ZMYND8: variants seen among roughly 807,000 people sequenced by gnomAD.
The protein encoded by ZMYND8 is MYND-type zinc finger-containing chromatin reader ZMYND8.
A neutral mutation model predicts 140.8 loss-of-function variants in ZMYND8; 37 were observed. That is an observed-to-expected ratio of 0.26 (90% CI 0.20 to 0.35). The LOEUF (loss-of-function observed/expected upper bound fraction) is 0.35, where lower values mean the gene tolerates loss of function less well. Ranked by LOEUF, ZMYND8 falls within the 10% of genes least tolerant of loss-of-function variation. The probability of loss-of-function intolerance (pLI) is 1.00; values close to 1 mark genes in which losing one functional copy is unlikely to be tolerated. For missense variants in ZMYND8, 1,068 were observed against 1,570.0 expected, an observed-to-expected ratio of 0.68 and a Z score of 5.40; for synonymous variants, 592 against 597.1, an observed-to-expected ratio of 0.99 and a Z score of 0.12.
At chr20:47,257,747 T>G (rs566512380) in intron 12 of ZMYND8, among the ~76,000 whole-genome samples, 163 of 152,314 alleles carry the variant, frequency 1.1e-3, no homozygotes, top group Non-Finnish European at 1.8e-3. Context: ...TTAATTATAG[T>G]GTAACAGTAT....
chr20:47,298,101 T>C lies in ZMYND8; in HGVS notation c.453+628A>G, dbSNP rs984245454. Among the ~76,000 whole-genome samples the C allele has an allele frequency of 8.5e-4, 129 of 152,340 alleles. No individual in the cohort carries two copies. The highest frequency in any genetic ancestry group is 3.0e-3 in the African/African-American group (125 of 41,580). ...TCCCTTGGACCTCCTATTCCCATCC[T>C]GAATTTGTTTTCTTCACAGCACTTT... On this transcript the variant is annotated intron_variant, in intron 4 of 22. Transcript: ENST00000471951. This position sits in a 1 kb window ranked among gnomAD's most constrained non-coding sequence, Gnocchi z 5.0.
intron 5 of ZMYND8, among the ~76,000 whole-genome samples, chr20:47,292,474 A>G (rs1433407381): frequency 6.6e-6 from 1 of 152,020 alleles, no homozygotes; most frequent in Non-Finnish European, 1.5e-5. Context: ...TTTTGCTTCC[A>G]CTGATTGAGA....
chr20:47,310,784 G>A (rs574746658), intron 2 of ZMYND8, among the ~76,000 whole-genome samples: 16 of 119,726 alleles, frequency 1.3e-4, no homozygotes, highest in Non-Finnish European at 2.0e-4. Context: ...AGCCTCCGAC[G>A]TGAAAAAAAA....
rs1287376842 is a variant in ZMYND8 at position 47,283,490 on chromosome 20, C to T, written c.882+81G>A. The T allele has an allele frequency of 2.1e-6, 3 of 1,429,090 alleles. No homozygotes were observed. In the African/African-American group the frequency reaches 4.3e-5, roughly 20 times the overall value. The allele number at this position is 1,429,090 out of a possible 1,614,324, so 88.5% of individuals were successfully genotyped here. Reference sequence around the variant, plus strand: ...CCATCCAAAGTTTCATCTAATAAGCCACCTGGAAAAAGCTGTCTCAGGGTA... The same window carrying T: ...CCATCCAAAGTTTCATCTAATAAGCTACCTGGAAAAAGCTGTCTCAGGGTA... On this transcript the variant is annotated intron_variant, in intron 9 of 22. Transcript: ENST00000471951.
rs1432968477 is a variant in ZMYND8, at chr20:47,298,765, C to T, written c.417G>A (p.Ser139=). Residue 139 remains serine (S), a synonymous_variant, in exon 4 of 23, where the codon TCG becomes TCA. Transcript: ENST00000471951. This position sits in a 1 kb window ranked among gnomAD's most constrained non-coding sequence, Gnocchi z 5.0. ...VYHAKCLRLT[S]EPEGDWFCPE... The stretch of plus-strand genomic sequence containing the variant: ...GACAAAACCAGTCCCCCTCTGGTTC[C>T]GATGTCAGTCTCAGACACTTAGCGT... 5.6e-6 allele frequency: 9 copies of T among 1,613,998 alleles called. No homozygotes were observed. Among genetic ancestry groups the T allele is most frequent in the South Asian group, 1.1e-5 (1 of 91,028 alleles).
In ZMYND8 at chr20:47,209,582, T is replaced by A. The variant is rs995020206; in HGVS notation, c.*1179A>T. On this transcript the variant is annotated 3_prime_UTR_variant, in exon 23 of 23. Coordinates refer to ENST00000471951, the MANE Select transcript of ZMYND8 (RefSeq NM_001281775.3). ...TGTACAGTTCGCATCCTCTTAACAA[T>A]GAAGAGAAAGTAAACAAGACTAAAA... 6.6e-6 allele frequency: 1 copy of A among 152,252 alleles called. No individual in the cohort carries two copies. The highest frequency in any genetic ancestry group is 1.5e-5 in the Non-Finnish European group (1 of 67,998). 9.4% of individuals were successfully genotyped at this position (152,252 alleles called of 1,614,324 possible). A position where few individuals can be genotyped will look rare whatever the true frequency, so the allele number is the denominator to read the frequency against.
At chr20:47,349,868 A>C in intron 1 of ZMYND8, 1 of 1,535,636 alleles carries the variant, frequency 6.5e-7, no homozygotes, top group Non-Finnish European at 8.7e-7. Context: ...CACTTGAAGG[A>C]TTTCTGCAGC....
At chr20:47,282,711 G>A (rs1465443059) in intron 9 of ZMYND8, among the ~76,000 whole-genome samples, 5 of 139,946 alleles carry the variant, frequency 3.6e-5, no homozygotes, top group Non-Finnish European at 3.0e-5. Flanking sequence ...GCGACAGATC[G>A]AAACTCCATC....
chr20:47,304,869 C>T (rs78996427), intron 3 of ZMYND8, among the ~76,000 whole-genome samples: 2,524 of 152,186 alleles, frequency 0.017, 31 homozygotes, highest in Middle Eastern at 0.031. Flanking sequence ...CCTAGTGTTG[C>T]CTGACCTTGG....
At chr20:47,308,485 C>T (rs1045890680) in intron 3 of ZMYND8, among the ~76,000 whole-genome samples, 15 of 151,840 alleles carry the variant, frequency 9.9e-5, no homozygotes, top group East Asian at 3.9e-4. Context: ...CCTCCCAAAA[C>T]GCTGGGATTA....
chr20:47,237,389 C>T (rs1345599562), intron 15 of ZMYND8: 1 of 151,724 alleles, frequency 6.6e-6, no homozygotes, highest in Non-Finnish European at 1.5e-5. Context: ...AACTCCTGGC[C>T]TCAAGTGATC....
At chr20:47,266,916 C>G (rs2075568674) in intron 11 of ZMYND8, among the ~76,000 whole-genome samples, 1 of 152,040 alleles carries the variant, frequency 6.6e-6, no homozygotes. Flanking sequence ...AAGTACCTAT[C>G]CAAAATTGAA....
At chr20:47,312,396 C>T (rs545877771) in intron 2 of ZMYND8, among the ~76,000 whole-genome samples, 1 of 152,286 alleles carries the variant, frequency 6.6e-6, no homozygotes, top group East Asian at 1.9e-4. Context: ...AACAAATATT[C>T]AGGGGGCTGC....
chr20:47,324,095 G>T (rs371383694), intron 2 of ZMYND8, among the ~76,000 whole-genome samples: 1 of 151,802 alleles, frequency 6.6e-6, no homozygotes, highest in African/African-American at 2.4e-5. Flanking sequence ...CCAGCTGCTC[G>T]GGGGGCTAAG....
chr20:47,236,198 TA>T (rs996891644), intron 16 of ZMYND8, 127 bp downstream of exon 16: 104 of 1,119,992 alleles, frequency 9.3e-5, no homozygotes, highest in Non-Finnish European at 1.1e-4. Flanking sequence ...ATTCTGTTTT[TA>T]AAAAAAAGGG....
At position 47,310,163 on chromosome 20, in the gene ZMYND8, G is replaced by T; in HGVS notation, c.127C>A (p.Pro43Thr). 1 of 1,612,654 alleles carries T rather than the reference G, an allele frequency of 6.2e-7. No individual in the cohort carries two copies. The highest frequency in any genetic ancestry group is 8.5e-7 in the Non-Finnish European group (1 of 1,179,742). Reference sequence around the variant, plus strand: ...CCATTGGAAGAATGTGGAGGGCTGGGGAACTTTCTTTTCTGGGCTGTTCTC... The same window carrying T: ...CCATTGGAAGAATGTGGAGGGCTGGTGAACTTTCTTTTCTGGGCTGTTCTC... ...AERTAQKRKF[P>T]SPPHSSNGHS... The change falls in exon 3 of 23, where the codon CCC becomes ACC. Residue 43 changes from proline to threonine, a missense_variant. Coordinates refer to ENST00000471951, the MANE Select transcript of ZMYND8 (RefSeq NM_001281775.3).
At chr20:47,265,482 C>T (rs2075452261) in intron 11 of ZMYND8, among the ~76,000 whole-genome samples, 2 of 152,238 alleles carry the variant, frequency 1.3e-5, no homozygotes, top group South Asian at 4.1e-4. Context: ...GCTCTGTTGC[C>T]CAAGCTGGAA....
At chr20:47,279,428 A>AC (rs1377248504) in intron 10 of ZMYND8, among the ~76,000 whole-genome samples, 3 of 152,034 alleles carry the variant, frequency 2.0e-5, no homozygotes, top group Non-Finnish European at 4.4e-5. Flanking sequence ...ACAAAGCGAG[A>AC]CCCCGCCTCA....
intron 1 of ZMYND8, among the ~76,000 whole-genome samples, chr20:47,349,555 G>T (rs1326693645): frequency 1.3e-5 from 2 of 152,162 alleles, no homozygotes; most frequent in Non-Finnish European, 2.9e-5. Flanking sequence ...AACATACACA[G>T]GTTGTCCAAC....
Sources: allele counts gnomAD v4.1 joint callset (sites outside exome capture counted in the v4.1 genomes callset), GRCh38; gene constraint gnomAD v4.1.1; non-coding constraint Gnocchi (gnomAD v3.1); transcripts MANE v1.5; gene names NCBI Gene and HGNC (gene_info 2026-07-23, HGNC 2026-07-21).